Variants in RABGEF1 observed in about 807,000 individuals in gnomAD.
The protein encoded by RABGEF1 is rab5 GDP/GTP exchange factor.
Under a neutral mutation model 57.3 loss-of-function variants are expected in RABGEF1, and 26 were observed. That is an observed-to-expected ratio of 0.45 (90% CI 0.33 to 0.63). The LOEUF (loss-of-function observed/expected upper bound fraction) is 0.63, where lower values mean the gene tolerates loss of function less well. Among genes scored for constraint, RABGEF1 ranks in the 20% least tolerant of loss-of-function variants. The pLI is 0.02. For missense variants in RABGEF1, 464 were observed against 607.6 expected (o/e 0.76, Z 2.48); for synonymous variants, 185 against 210.7 (o/e 0.88, Z 1.06).
upstream of RABGEF1, among the ~76,000 whole-genome samples, chr7:66,736,402 T>C (rs1336024055): frequency 1.3e-5 from 2 of 152,182 alleles, no homozygotes; most frequent in Non-Finnish European, 2.9e-5. Flanking sequence ...TACCACTATA[T>C]GGGGCCATTT....
chr7:66,796,239 A>G (rs919207186), intron 5 of RABGEF1, among the ~76,000 whole-genome samples: 1 of 115,666 alleles, frequency 8.6e-6, no homozygotes, highest in Non-Finnish European at 1.9e-5. Flanking sequence ...TTAATAGTTT[A>G]AAAAAAAAAG....
intron 1 of RABGEF1, among the ~76,000 whole-genome samples, chr7:66,707,795 C>T (rs548148068): frequency 8.5e-5 from 13 of 152,254 alleles, no homozygotes; most frequent in East Asian, 5.8e-4. Flanking sequence ...CTCTGTTTTT[C>T]GGTGCATATA....
chr7:66,808,405 G>A (rs1188592574), intron 8 of RABGEF1, among the ~76,000 whole-genome samples: 1 of 151,904 alleles, frequency 6.6e-6, no homozygotes, highest in Non-Finnish European at 1.5e-5. Context: ...TAGTAGAGAT[G>A]GGGTTTCACC....
At chr7:66,675,957 A>G in the RABGEF1 span, among the ~76,000 whole-genome samples, 1 of 152,202 alleles carries the variant, frequency 6.6e-6, no homozygotes. Context: ...CATGTCATGT[A>G]ACTTGGGTTG....
intron 3 of RABGEF1, among the ~76,000 whole-genome samples, chr7:66,782,125 C>G (rs1272478858): frequency 7.2e-5 from 11 of 152,176 alleles, no homozygotes; most frequent in Admixed American, 7.2e-4. Flanking sequence ...ATACCGATGT[C>G]AACACAATCT....
chr7:66,722,608 AT>A (rs1796172468), intron 2 of RABGEF1, among the ~76,000 whole-genome samples: 1 of 152,180 alleles, frequency 6.6e-6, no homozygotes, highest in South Asian at 2.1e-4. Flanking sequence ...GGTCACAAAG[AT>A]TTATGCTTAC....
At position 66,805,140 on chromosome 7, in the gene RABGEF1, A is replaced by G; in HGVS notation, c.821A>G (p.Asp274Gly). ...VSDMVVKAIT[D>G]IIEMDSKRVP... is the part of the protein sequence containing the mutation. ...AAATATTGTCTTTTCTGCTTTGTAG[A>G]TATCATTGAAATGGATTCCAAGCGT... is the stretch of plus-strand genomic sequence containing the variant. Residue 274 changes from aspartate (D) to glycine (G), a missense_variant and splice_region_variant, in exon 8 of 9, where the codon GAT becomes GGT. Asp to Gly is a moderately conservative substitution (Grantham distance 94). Around this residue, in one of 4 missense-constraint regions of RABGEF1, gnomAD observed 284 missense variants for 389.9 expected, o/e 0.73. Transcript: ENST00000284957. 6.3e-7 allele frequency: 1 copy of G among 1,597,560 alleles called. No individual in the cohort carries two copies. Among genetic ancestry groups the G allele is most frequent in the Non-Finnish European group, 8.6e-7 (1 of 1,165,050 alleles).
In RABGEF1 at chr7:66,687,600, G is replaced by A. The variant is rs1013032629; in HGVS notation, c.-873+5342G>A. Among the ~76,000 whole-genome samples the A allele has an allele frequency of 1.3e-4, 20 of 152,182 alleles. No homozygotes were observed. The South Asian group carries it at 4.2e-3, about 32-fold the overall frequency. ...CAGTTGAGGTGGGAGGATCTCTTGA[G>A]CCCAGGAGAGATTGGTAGAATGTAT... is the stretch of plus-strand genomic sequence containing the variant. On this transcript the variant is annotated intron_variant and NMD_transcript_variant, in intron 1 of 9. Transcript: ENST00000607882.
intron 1 of RABGEF1, among the ~76,000 whole-genome samples, chr7:66,765,844 T>A (rs1805565107): frequency 6.6e-6 from 1 of 152,160 alleles, no homozygotes; most frequent in Non-Finnish European, 1.5e-5. Flanking sequence ...CTTATCTTTG[T>A]GGATTGAGAG....
intron 2 of RABGEF1, among the ~76,000 whole-genome samples, chr7:66,772,733 A>AC (rs1807453440): frequency 6.6e-6 from 1 of 151,780 alleles, no homozygotes; most frequent in African/African-American, 2.4e-5. Flanking sequence ...ACATGGTGAA[A>AC]CCCCCTCTCT....
rs143669687 is a variant in RABGEF1, at chr7:66,755,910, T to C, written c.-18+15118T>C. On this transcript the variant is annotated intron_variant, in intron 1 of 8. Coordinates refer to ENST00000284957, the MANE Select transcript of RABGEF1 (RefSeq NM_014504.3). ...GGAATTATTTGTCCAAGCTAACGTT[T>C]GGACAAATAATGTTTTGTTATATTT... 2.2e-3 allele frequency: 1,232 copies of C among 567,486 alleles called. 10 individuals are homozygous for C. The highest frequency in any genetic ancestry group is 0.019 in the African/African-American group (968 of 52,296). The allele number at this position is 567,486 out of a possible 1,614,324, so 35.2% of individuals were successfully genotyped here.
chr7:66,774,619 GT>G (rs1808056688), intron 2 of RABGEF1, among the ~76,000 whole-genome samples: 2 of 152,148 alleles, frequency 1.3e-5, no homozygotes, highest in South Asian at 4.1e-4. Flanking sequence ...TATTAGTCAG[GT>G]GTGGTGGTGT....
chr7:66,739,214 T>G (rs1389550102), upstream of RABGEF1, among the ~76,000 whole-genome samples: 2 of 151,866 alleles, frequency 1.3e-5, no homozygotes, highest in African/African-American at 4.8e-5. Context: ...CTTCCCAAAG[T>G]GCTAGGATTA....
At chr7:66,755,420 G>A (rs1242466114) in intron 1 of RABGEF1, among the ~76,000 whole-genome samples, 1 of 152,142 alleles carries the variant, frequency 6.6e-6, no homozygotes, top group African/African-American at 2.4e-5. Flanking sequence ...TGGCTACAGT[G>A]AGCTGTGATC....
At chr7:66,748,988 C>A in intron 1 of RABGEF1, 1 of 190,394 alleles carries the variant, frequency 5.3e-6, no homozygotes. Context: ...TTCCCTGAGG[C>A]TCTTGGTAGG....
At chr7:66,773,224 A>G (rs1807647732) in intron 2 of RABGEF1, among the ~76,000 whole-genome samples, 1 of 152,192 alleles carries the variant, frequency 6.6e-6, no homozygotes, top group Non-Finnish European at 1.5e-5. Context: ...AGCCGAGAAC[A>G]TGAATGATCT....
chr7:66,751,945 C>T (rs887634730), intron 1 of RABGEF1, among the ~76,000 whole-genome samples: 1 of 152,110 alleles, frequency 6.6e-6, no homozygotes, highest in African/African-American at 2.4e-5. Context: ...ACCTGTAATC[C>T]CAGCACTTTG....
chr7:66,683,147 CTTA>C (rs1790044380), intron 1 of RABGEF1, among the ~76,000 whole-genome samples: 1 of 151,984 alleles, frequency 6.6e-6, no homozygotes, highest in African/African-American at 2.4e-5. Flanking sequence ...TTTGTTTTTC[CTTA>C]TTATTTTTTT....
intron 2 of RABGEF1, among the ~76,000 whole-genome samples, chr7:66,716,946 G>A (rs188138110): frequency 6.6e-6 from 1 of 152,088 alleles, no homozygotes; most frequent in East Asian, 1.9e-4. Flanking sequence ...ACCCCACTAA[G>A]TTTTGTATTT....
Sources: gnomAD v4.1 joint callset for allele counts (sites outside exome capture counted in the v4.1 genomes callset) on GRCh38, gnomAD v4.1.1 for gene constraint, gnomAD v4.1.1 regional missense constraint, MANE v1.5 for transcripts, NCBI Gene and HGNC (gene_info 2026-07-23, HGNC 2026-07-21) for gene names.